Variants in LDAH observed in about 807,000 individuals in gnomAD.
LDAH encodes lipid droplet associated hydrolase.
Under a neutral mutation model 29.6 loss-of-function variants are expected in LDAH, and 26 were observed. The observed-to-expected ratio is 0.88, with a 90% CI of 0.64 to 1.22. LDAH has a LOEUF of 1.22. LDAH is among the 50% of genes most tolerant of loss of function. LDAH has a pLI of 0.00. For synonymous variants in LDAH, 117 were observed against 133.0 expected (o/e 0.88, Z 0.83); for missense variants, 344 against 387.3 (o/e 0.89, Z 0.94).
chr2:20,720,189 C>A (rs1218477425), intron 5 of LDAH, among the ~76,000 whole-genome samples: 1 of 152,026 alleles, frequency 6.6e-6, no homozygotes, highest in Non-Finnish European at 1.5e-5. Flanking sequence ...TTGCAGATGA[C>A]ATGATCTTTT....
At position 20,740,854 on chromosome 2, in the gene LDAH, A is replaced by G. The variant is rs576627851; in HGVS notation, c.469-649T>C. Among the ~76,000 whole-genome samples the G allele has an allele frequency of 2.6e-5, 4 of 152,338 alleles. No homozygotes were observed. The South Asian group carries it at 8.3e-4, about 32-fold the overall frequency. On this transcript the variant is annotated intron_variant, in intron 4 of 6. Coordinates refer to ENST00000237822, the MANE Select transcript of LDAH (RefSeq NM_021925.4). ...GTATGAAATCACCAAACTGTCTTCC[A>G]AGGTGGTTGTACTATTTTGATTCCC...
At chr2:20,707,083 T>C (rs1664360791) in intron 5 of LDAH, among the ~76,000 whole-genome samples, 3 of 152,160 alleles carry the variant, frequency 2.0e-5, no homozygotes, top group Non-Finnish European at 2.9e-5. Flanking sequence ...CCAAAGGCCA[T>C]ACCCACCAAC....
intron 4 of LDAH, among the ~76,000 whole-genome samples, chr2:20,771,544 C>T (rs536387544): frequency 6.6e-6 from 1 of 152,208 alleles, no homozygotes; most frequent in East Asian, 1.9e-4. Flanking sequence ...GCAGGCACTG[C>T]GGTGTCTTAG....
intron 1 of LDAH, among the ~76,000 whole-genome samples, chr2:20,811,078 C>A (rs1672454821): frequency 6.6e-6 from 1 of 150,962 alleles, no homozygotes; most frequent in East Asian, 2.0e-4. Flanking sequence ...ACTGCAGTGG[C>A]GCGATCTCGG....
intron 5 of LDAH, among the ~76,000 whole-genome samples, chr2:20,728,737 AAAG>A (rs1388090524): frequency 6.6e-6 from 1 of 152,164 alleles, no homozygotes; most frequent in Non-Finnish European, 1.5e-5. Flanking sequence ...CCAATAACCC[AAAG>A]AAGAAAGAAG....
intron 5 of LDAH, among the ~76,000 whole-genome samples, 174 bp from the exon 6 acceptor site, chr2:20,701,826 G>C (rs1243942388): frequency 6.6e-6 from 1 of 152,164 alleles, no homozygotes; most frequent in Non-Finnish European, 1.5e-5. Context: ...ACAGTCTCTG[G>C]AAACAAGAGC....
intron 4 of LDAH, among the ~76,000 whole-genome samples, chr2:20,742,095 A>G (rs1313378008): frequency 6.6e-6 from 1 of 152,106 alleles, no homozygotes; most frequent in Non-Finnish European, 1.5e-5. Flanking sequence ...ATCTCCATGT[A>G]TTTTGGGACT....
rs773438017 is a variant in LDAH at position 20,801,528 on chromosome 2, A to G, written c.-2-63T>C. 452 of 1,416,606 alleles carry G rather than the reference A, an allele frequency of 3.2e-4. 1 individual carries two copies. Among genetic ancestry groups the G allele is most frequent in the Non-Finnish European group, 4.1e-4 (418 of 1,018,540 alleles). The allele number at this position is 1,416,606 out of a possible 1,614,324, so 87.8% of individuals were successfully genotyped here. ...AAATGTAAAACCTTGAGCCAAAGACAAAATTCAAGAATAAAAAAGGGCAAG... is the reference window on the plus strand; with the variant it reads ...AAATGTAAAACCTTGAGCCAAAGACGAAATTCAAGAATAAAAAAGGGCAAG... On this transcript the variant is annotated intron_variant, in intron 1 of 6. Transcript: ENST00000237822.
chr2:20,779,159 G>A (rs1010008354), intron 3 of LDAH, among the ~76,000 whole-genome samples: 1 of 152,118 alleles, frequency 6.6e-6, no homozygotes, highest in African/African-American at 2.4e-5. Flanking sequence ...CTCCAAAGCT[G>A]TATCTTAATA....
chr2:20,712,371 C>T lies in LDAH; in HGVS notation c.704-10719G>A, dbSNP rs574407865. Among the ~76,000 whole-genome samples, 225 of 152,260 alleles carry T rather than the reference C, an allele frequency of 1.5e-3. 4 individuals are homozygous for T. In the South Asian group the frequency reaches 0.043, roughly 29 times the overall value. On this transcript the variant is annotated intron_variant, in intron 5 of 6. Transcript: ENST00000237822. Reference sequence around the variant, plus strand: ...ACCAAAAGGACATCCACACCAAAACCCCATCTGTAGGTCACCAACATCAAA... The same window carrying T: ...ACCAAAAGGACATCCACACCAAAACTCCATCTGTAGGTCACCAACATCAAA...
intron 4 of LDAH, among the ~76,000 whole-genome samples, chr2:20,744,223 ATTTT>A (rs3047719): frequency 6.2e-4 from 81 of 131,204 alleles, no homozygotes; most frequent in Admixed American, 1.1e-3. Context: ...TTCTCCTCAG[ATTTT>A]TTTTTTTTTT....
At chr2:20,712,065 C>T (rs779087730) in intron 5 of LDAH, among the ~76,000 whole-genome samples, 32 of 152,312 alleles carry the variant, frequency 2.1e-4, no homozygotes, top group African/African-American at 4.6e-4. Context: ...GCTCTGAGAA[C>T]GGACAGACTG....
intron 3 of LDAH, among the ~76,000 whole-genome samples, chr2:20,778,578 G>T: frequency 6.6e-6 from 1 of 152,074 alleles, no homozygotes; most frequent in Admixed American, 6.6e-5. Context: ...TTGGCCCTTG[G>T]TATTATTGAA....
At chr2:20,759,116 TG>T (rs1467817341) in intron 4 of LDAH, among the ~76,000 whole-genome samples, 2 of 152,284 alleles carry the variant, frequency 1.3e-5, no homozygotes, top group Non-Finnish European at 2.9e-5. Context: ...ACACTCAATT[TG>T]GCTTTTTGCA....
intron 4 of LDAH, among the ~76,000 whole-genome samples, chr2:20,758,828 A>G (rs1668493443): frequency 6.6e-6 from 1 of 152,190 alleles, no homozygotes; most frequent in Non-Finnish European, 1.5e-5. Flanking sequence ...GAGAAATTAT[A>G]AAGTCAGGAT....
At chr2:20,790,628 T>C (rs936604185) in intron 2 of LDAH, among the ~76,000 whole-genome samples, 4 of 152,150 alleles carry the variant, frequency 2.6e-5, no homozygotes, top group African/African-American at 9.7e-5. Flanking sequence ...AAATCAGTAA[T>C]ACTGCATATA....
chr2:20,805,231 A>T (rs1671980977), intron 1 of LDAH, among the ~76,000 whole-genome samples: 1 of 152,220 alleles, frequency 6.6e-6, no homozygotes, highest in African/African-American at 2.4e-5. Context: ...GTCTATAAAC[A>T]TTGGAAAACA....
chr2:20,710,585 G>GGT (rs376841719), intron 5 of LDAH, among the ~76,000 whole-genome samples: 30,337 of 116,734 alleles, frequency 0.26, 4,060 homozygotes, highest in African/African-American at 0.3. Flanking sequence ...TATATATAGG[G>GGT]GTGTGTGTGT....
intron 4 of LDAH, among the ~76,000 whole-genome samples, chr2:20,751,736 GAC>G (rs1490022430): frequency 6.6e-6 from 1 of 152,148 alleles, no homozygotes; most frequent in East Asian, 1.9e-4. Context: ...TAACATGAAA[GAC>G]AGCACAACAA....
Sources: allele counts gnomAD v4.1 joint callset (sites outside exome capture counted in the v4.1 genomes callset), GRCh38; gene constraint gnomAD v4.1.1; transcripts MANE v1.5; gene names NCBI Gene and HGNC (gene_info 2026-07-23, HGNC 2026-07-21).